Variants in PTCH1 observed in about 807,000 individuals in gnomAD.
The protein encoded by PTCH1 is protein patched homolog 1.
A neutral mutation model predicts 144.6 loss-of-function variants in PTCH1; 14 were observed. The observed-to-expected ratio is 0.10, with a 90% confidence interval of 0.06 to 0.15. The LOEUF (loss-of-function observed/expected upper bound fraction) is 0.15. Ranked by LOEUF, PTCH1 falls within the 10% of genes least tolerant of loss-of-function variation. The pLI is 1.00. For synonymous variants in PTCH1, 833 were observed against 793.6 expected, an observed-to-expected ratio of 1.05 and a Z score of -0.83; for missense variants, 1,623 against 1,948.3, an observed-to-expected ratio of 0.83 and a Z score of 3.14.
At chr9:95,502,415 T>C (rs997878755) in intron 2 of PTCH1, among the ~76,000 whole-genome samples, 13 of 152,342 alleles carry the variant, frequency 8.5e-5, no homozygotes, top group Admixed American at 8.5e-4. Flanking sequence ...ACTGAGAACA[T>C]GTGCAGAATG....
Position 95,471,118 on chromosome 9 carries a change from A to T in PTCH1, c.1729-1187T>A, listed in dbSNP as rs533139769. ...AAGAAAGAAAGAAAGAAAGAAAATAAAAAACGAGGCTTCTCAAAGAACTGC... is the reference window on the plus strand; with the variant it reads ...AAGAAAGAAAGAAAGAAAGAAAATATAAAACGAGGCTTCTCAAAGAACTGC... On this transcript the variant is annotated intron_variant, in intron 12 of 23. Coordinates refer to ENST00000331920, the MANE Select transcript of PTCH1 (RefSeq NM_000264.5). Among the ~76,000 whole-genome samples, 11 of 152,258 alleles carry T rather than the reference A, an allele frequency of 7.2e-5. No individual in the cohort carries two copies. The South Asian group carries it at 2.3e-3, about 32-fold the overall frequency.
In PTCH1 at chr9:95,462,006, T is replaced by C. The variant is rs2136690155; in HGVS notation, c.2561-8A>G. On this transcript the variant is annotated splice_region_variant and splice_polypyrimidine_tract_variant and intron_variant, in intron 15 of 23. Coordinates refer to ENST00000331920, the MANE Select transcript of PTCH1 (RefSeq NM_000264.5). ...CAAATGCATCCTGAAGTCCTAGAAA[T>C]GGCAAATGATTGTAACACATTATAA... The C allele has an allele frequency of 2.5e-6, 4 of 1,614,182 alleles. No homozygotes were observed. Among genetic ancestry groups the C allele is most frequent in the South Asian group, 1.1e-5 (1 of 91,086 alleles).
chr9:95,455,046 T>G (rs1198721270), intron 19 of PTCH1, among the ~76,000 whole-genome samples: 1 of 152,234 alleles, frequency 6.6e-6, no homozygotes, highest in African/African-American at 2.4e-5. Flanking sequence ...AATTATGGGT[T>G]TTCTAAACTC....
In PTCH1 at chr9:95,469,080, G is replaced by C. The variant is rs1840314820; in HGVS notation, c.1921C>G (p.Pro641Ala). ...TDTHDNTRYS[P>A]PPPYSSHSFA... Reference sequence around the variant, plus strand: ...CTGTGGCTGCTGTAGGGAGGTGGGGGGCTGTAGCGGGTATTGTCGTGTGTG... The same window carrying C: ...CTGTGGCTGCTGTAGGGAGGTGGGGCGCTGTAGCGGGTATTGTCGTGTGTG... The change falls in exon 14 of 24, where the codon CCC (proline) becomes GCC (alanine). Residue 641 changes from proline (P) to alanine (A), a missense_variant. By Grantham distance (27) the Pro-to-Ala change is conservative. Transcript: ENST00000331920. 6.2e-7 allele frequency: 1 copy of C among 1,613,966 alleles called. No homozygotes were observed. Among genetic ancestry groups the C allele is most frequent in the African/African-American group, 1.3e-5 (1 of 74,916 alleles).
At chr9:95,485,542 T>A (rs1841892841) in intron 3 of PTCH1, 143 bp downstream of exon 3, 6 of 993,242 alleles carry the variant, frequency 6.0e-6, no homozygotes, top group Non-Finnish European at 9.0e-6. Flanking sequence ...AAAAAAATCC[T>A]TTCATTGCAA....
In PTCH1 at chr9:95,453,610, G is replaced by A. The variant is rs769691754; in HGVS notation, c.3317C>T (p.Thr1106Met). 4.3e-6 allele frequency: 7 copies of A among 1,613,534 alleles called. No homozygotes were observed. Among genetic ancestry groups the A allele is most frequent in the African/African-American group, 1.3e-5 (1 of 74,918 alleles). ...CCTGCGGTTCTTGTCGCCGATGGCC[G>A]TCAGAAAGGCCTGTGCAATGAGGAT... ...FTVHVALAFLTAIGDKNRRAV... is the reference protein window; with the variant it reads ...FTVHVALAFLMAIGDKNRRAV... The change falls in exon 20 of 24, where the codon ACG (threonine) becomes ATG (methionine). Residue 1106 changes from threonine to methionine, a missense_variant. Coordinates refer to ENST00000331920, the MANE Select transcript of PTCH1 (RefSeq NM_000264.5).
Position 95,446,944 on chromosome 9 carries a change from C to A in PTCH1, c.4312G>T (p.Glu1438Ter). Reference sequence around the variant, plus strand: ...GAGCTGCTTCCCCGGGGCCTCTCCTCGCATTCCACGTCCTGCAGCTCAATG... The same window carrying A: ...GAGCTGCTTCCCCGGGGCCTCTCCTAGCATTCCACGTCCTGCAGCTCAATG... ...EVIELQDVECEERPRGSSSN is the reference protein window; with the variant it reads ...EVIELQDVEC Residue 1438 changes from glutamate to a stop codon, truncating the protein, a stop_gained, in exon 23 of 24, where the codon GAG (glutamate) becomes TAG (stop). Coordinates refer to ENST00000331920, the MANE Select transcript of PTCH1 (RefSeq NM_000264.5). LOFTEE classifies it high-confidence loss of function. 1 of 1,614,180 alleles carries A rather than the reference C, an allele frequency of 6.2e-7. No homozygotes were observed. Among genetic ancestry groups the A allele is most frequent in the Non-Finnish European group, 8.5e-7 (1 of 1,180,046 alleles).
chr9:95,471,743 T>C (rs1184505312), intron 12 of PTCH1, among the ~76,000 whole-genome samples: 1 of 152,038 alleles, frequency 6.6e-6, no homozygotes. Flanking sequence ...GCAGGGTTTA[T>C]AAGATGAAAA....
chr9:95,469,179 A>G (rs1251861130), intron 13 of PTCH1, 26 bp from the exon 14 acceptor site: 2 of 1,613,630 alleles, frequency 1.2e-6, no homozygotes, highest in African/African-American at 1.3e-5. Flanking sequence ...ACATGTTGCA[A>G]TGTTATGCTG....
At chr9:95,470,688 G>A (rs1014541309) in intron 12 of PTCH1, among the ~76,000 whole-genome samples, 2 of 152,106 alleles carry the variant, frequency 1.3e-5, no homozygotes, top group African/African-American at 4.8e-5. Flanking sequence ...GGTGGAAGTC[G>A]ACCCAGCTCG....
intron 2 of PTCH1, among the ~76,000 whole-genome samples, chr9:95,500,393 T>C (rs1843070617): frequency 6.6e-6 from 1 of 152,162 alleles, no homozygotes; most frequent in Admixed American, 6.5e-5. Context: ...ATGAAAGAAA[T>C]ATCACAACTG....
rs145867500 is a variant in PTCH1, at chr9:95,480,034, A to G, written c.1002T>C (p.Tyr334=). Residue 334 remains tyrosine, a synonymous_variant, in exon 7 of 24, where the codon TAT becomes TAC. Transcript: ENST00000331920. ...NGGCHGLSRK[Y]MHWQEELIVG... The stretch of plus-strand genomic sequence containing the variant: ...CAATCAACTCCTCCTGCCAGTGCAT[A>G]TACTTTCTGGATAAGCCATGACATC... 2.0e-5 allele frequency: 33 copies of G among 1,614,078 alleles called. No homozygotes were observed. The African/African-American group carries it at 3.1e-4, about 15-fold the overall frequency.
chr9:95,445,936 T>A lies in PTCH1; in HGVS notation c.*457A>T, dbSNP rs766465197. The stretch of plus-strand genomic sequence containing the variant: ...TTCATACTACCACAGGGTTGTGATA[T>A]GCAAATTTAAAATATTTTAAACAGA... On this transcript the variant is annotated 3_prime_UTR_variant, in exon 24 of 24. Coordinates refer to ENST00000331920, the MANE Select transcript of PTCH1 (RefSeq NM_000264.5). 6.2e-6 allele frequency: 1 copy of A among 161,082 alleles called. No individual in the cohort carries two copies. Among genetic ancestry groups the A allele is most frequent in the African/African-American group, 2.4e-5 (1 of 41,702 alleles). 10.0% of individuals were successfully genotyped at this position (161,082 alleles called of 1,614,324 possible).
In PTCH1 at chr9:95,508,167, A is replaced by G. The variant is rs1409155433; in HGVS notation, c.195T>C (p.Ile65=). Residue 65 remains isoleucine (I), a synonymous_variant, in exon 1 of 24, where the codon ATT becomes ATC. Coordinates refer to ENST00000331920, the MANE Select transcript of PTCH1 (RefSeq NM_000264.5). ...GAGAGAGTCTGAAATGCACCTTGGA[A>G]ATCTGCTCCAGAGCGAAGGCGGCGT... is the stretch of plus-strand genomic sequence containing the variant. ...YCDAAFALEQ[I]SKGKATGRKA... is the part of the protein sequence containing the mutation. The G allele has an allele frequency of 6.2e-7, 1 of 1,612,560 alleles. No homozygotes were observed. Among genetic ancestry groups the G allele is most frequent in the South Asian group, 1.1e-5 (1 of 91,074 alleles).
intron 2 of PTCH1, among the ~76,000 whole-genome samples, chr9:95,502,566 C>T (rs1843220364): frequency 6.6e-6 from 1 of 152,242 alleles, no homozygotes; most frequent in Non-Finnish European, 1.5e-5. Context: ...ATATGTGAAA[C>T]TGATTTGACA....
intron 2 of PTCH1, chr9:95,494,468 G>A: frequency 2.0e-6 from 2 of 983,900 alleles, no homozygotes; most frequent in Non-Finnish European, 2.4e-6. Flanking sequence ...GCCCAAGAAC[G>A]TTGCTGACTT....
intron 3 of PTCH1, 26 bp downstream of exon 3, chr9:95,485,659 T>C (rs779347766): frequency 5.6e-6 from 9 of 1,613,376 alleles, no homozygotes; most frequent in Middle Eastern, 1.7e-4. Flanking sequence ...TGCTGCTCAT[T>C]AGTAGGTGGA....
chr9:95,500,437 A>G (rs978365773), intron 2 of PTCH1, among the ~76,000 whole-genome samples: 5 of 152,222 alleles, frequency 3.3e-5, no homozygotes, highest in Admixed American at 6.5e-5. Flanking sequence ...AGTAGTAGAA[A>G]CTAATAAATA....
Position 95,458,014 on chromosome 9 carries a change from A to G in PTCH1, c.3167T>C (p.Ile1056Thr). 6.2e-7 allele frequency: 1 copy of G among 1,614,092 alleles called. No homozygotes were observed. The highest frequency in any genetic ancestry group is 8.5e-7 in the Non-Finnish European group (1 of 1,180,034). ...FLLNPWTAGI[I>T]VMVLALMTVE... is the part of the protein sequence containing the mutation. The stretch of plus-strand genomic sequence containing the variant: ...CAAAGCCCCTTATAATACACTCACA[A>G]TGATCCCGGCCGTCCAGGGGTTCAG... The change falls in exon 18 of 24, where the codon ATT (isoleucine) becomes ACT (threonine). Residue 1056 changes from isoleucine to threonine, a missense_variant and splice_region_variant. Around this residue, in one of 7 missense-constraint regions of PTCH1, gnomAD observed 504 missense variants for 679.3 expected, o/e 0.74. Coordinates refer to ENST00000331920, the MANE Select transcript of PTCH1 (RefSeq NM_000264.5). The surrounding 1 kb of genome is among the most constrained non-coding windows in gnomAD (Gnocchi z 4.7).
Sources: allele counts gnomAD v4.1 joint callset (sites outside exome capture counted in the v4.1 genomes callset), GRCh38; gene constraint gnomAD v4.1.1; regional missense constraint gnomAD v4.1.1; non-coding constraint Gnocchi (gnomAD v3.1); transcripts MANE v1.5; gene names NCBI Gene and HGNC (gene_info 2026-07-23, HGNC 2026-07-21).